Variants in GPR155 observed in about 807,000 individuals in gnomAD.
The protein encoded by GPR155 is G protein-coupled receptor 155.
A neutral mutation model predicts 93.1 loss-of-function variants in GPR155; 65 were observed. That is an observed-to-expected ratio of 0.70 (90% CI 0.57 to 0.86). GPR155 has a LOEUF of 0.86. Among genes scored for constraint, GPR155 ranks in the 40% least tolerant of loss-of-function variants. The pLI is 0.00. For synonymous variants in GPR155, 319 were observed against 360.1 expected (o/e 0.89, Z 1.29); for missense variants, 838 against 1,034.8 (o/e 0.81, Z 2.61).
At chr2:174,485,386 C>T (rs1040034559) in intron 1 of GPR155, among the ~76,000 whole-genome samples, 56 of 152,244 alleles carry the variant, frequency 3.7e-4, no homozygotes, top group African/African-American at 1.3e-3. Flanking sequence ...CACCTGAGGT[C>T]GGGAGTTGGA....
chr2:174,466,483 C>T, intron 6 of GPR155, 61 bp downstream of exon 6: 2 of 921,510 alleles, frequency 2.2e-6, no homozygotes, highest in Non-Finnish European at 3.5e-6. Flanking sequence ...GTTATTTTCT[C>T]CTCTACAGTA....
intron 10 of GPR155, 100 bp from the exon 11 acceptor site, chr2:174,453,941 A>G: frequency 1.3e-6 from 1 of 770,406 alleles, no homozygotes; most frequent in Non-Finnish European, 2.3e-6. Context: ...CCACTCACAC[A>G]CACTTCCCAT....
chr2:174,449,450 C>T (rs1687253817), intron 11 of GPR155, among the ~76,000 whole-genome samples: 1 of 152,214 alleles, frequency 6.6e-6, no homozygotes, highest in African/African-American at 2.4e-5. Flanking sequence ...CAGCACTACT[C>T]ACAACAGCAA....
At position 174,470,552 on chromosome 2, in the gene GPR155, CAGACTGA is replaced by C; in HGVS notation, c.861-4_863del. ...TTTCTCTGCACAGAAGTGGCAGCACCAGACTGAAGAAAAAAGAAAAACATCATTTACC... is the reference window on the plus strand; with the variant it reads ...TTTCTCTGCACAGAAGTGGCAGCACCAGAAAAAAGAAAAACATCATTTACC... On this transcript the variant is annotated splice_acceptor_variant and splice_polypyrimidine_tract_variant and coding_sequence_variant and intron_variant, in exon 4 of 16. Coordinates refer to ENST00000392552, the MANE Select transcript of GPR155 (RefSeq NM_152529.7). LOFTEE classifies it high-confidence loss of function. 1 of 1,610,674 alleles carries C rather than the reference CAGACTGA, an allele frequency of 6.2e-7. No homozygotes were observed. Among genetic ancestry groups the C allele is most frequent in the Non-Finnish European group, 8.5e-7 (1 of 1,178,746 alleles).
intron 10 of GPR155, among the ~76,000 whole-genome samples, chr2:174,458,997 C>T (rs1028399814): frequency 4.3e-4 from 65 of 151,820 alleles, no homozygotes; most frequent in Non-Finnish European, 2.4e-4. Context: ...CTGAGACAGG[C>T]GAATTGCTTG....
chr2:174,468,845 C>T (rs1300944760), intron 5 of GPR155, 67 bp downstream of exon 5: 1 of 1,303,446 alleles, frequency 7.7e-7, no homozygotes, highest in Non-Finnish European at 1.1e-6. Context: ...TAAATCCCTT[C>T]TGTTAACAGT....
In GPR155 at chr2:174,459,967, T is replaced by C. The variant is rs1008810881; in HGVS notation, c.1682A>G (p.Lys561Arg). The C allele has an allele frequency of 9.9e-6, 16 of 1,614,008 alleles. No homozygotes were observed. Among genetic ancestry groups the C allele is most frequent in the Admixed American group, 6.7e-5 (4 of 59,996 alleles). Reference protein sequence around the residue: ...YEGFDQSQSHKVVEPGNTAFE... With the variant: ...YEGFDQSQSHRVVEPGNTAFE... The stretch of plus-strand genomic sequence containing the variant: ...AGCAGTATTTCCAGGCTCCACCACT[T>C]TGTGGCTCTGAGACTGATCGAAACC... The change falls in exon 10 of 16, where the codon AAA (lysine) becomes AGA (arginine). Residue 561 changes from lysine (K) to arginine (R), a missense_variant. By Grantham distance (26) the Lys-to-Arg change is conservative. This residue lies in a region of GPR155 where 663 missense variants were observed against 790.1 expected (regional missense o/e 0.84). Coordinates refer to ENST00000392552, the MANE Select transcript of GPR155 (RefSeq NM_152529.7).
rs1687632276 is a variant in GPR155 at position 174,459,898 on chromosome 2, G to A, written c.1751C>T (p.Thr584Ile). 4 of 1,610,728 alleles carry A rather than the reference G, an allele frequency of 2.5e-6. No individual in the cohort carries two copies. Among genetic ancestry groups the A allele is most frequent in the Non-Finnish European group, 3.4e-6 (4 of 1,176,990 alleles). The change falls in exon 10 of 16, where the codon ACA becomes ATA. Residue 584 changes from threonine to isoleucine, a missense_variant. Transcript: ENST00000392552. ...CATACTTGTTTCTGGAATAGAGCTT[G>A]TAAAAAGTTCTGGTTCATTTACTGG... ...PAPVNEPELF[T>I]SSIPETSCCS...
At chr2:174,460,409 G>T (rs1286851057) in intron 9 of GPR155, among the ~76,000 whole-genome samples, 6 of 151,708 alleles carry the variant, frequency 4.0e-5, no homozygotes. Flanking sequence ...TGACCCACCC[G>T]CCTCGGCCTC....
chr2:174,459,711 G>A (rs1441402309), intron 10 of GPR155, among the ~76,000 whole-genome samples, 167 bp downstream of exon 10: 4 of 152,200 alleles, frequency 2.6e-5, no homozygotes, highest in Non-Finnish European at 5.9e-5. Flanking sequence ...AGGGCATGGT[G>A]GCAGGCACCT....
intron 14 of GPR155, among the ~76,000 whole-genome samples, chr2:174,440,760 C>T (rs188899626): frequency 9.2e-5 from 14 of 152,240 alleles, no homozygotes; most frequent in South Asian, 2.1e-4. Context: ...AGATTTGTCC[C>T]GACCTCTTCC....
At chr2:174,485,756 T>C (rs1440086007) in intron 1 of GPR155, among the ~76,000 whole-genome samples, 1 of 152,110 alleles carries the variant, frequency 6.6e-6, no homozygotes, top group Non-Finnish European at 1.5e-5. Flanking sequence ...GGGAAGATAA[T>C]ATGCTTTCTA....
intron 3 of GPR155, among the ~76,000 whole-genome samples, chr2:174,472,754 C>T (rs1405596681): frequency 6.6e-6 from 1 of 152,106 alleles, no homozygotes; most frequent in East Asian, 1.9e-4. Flanking sequence ...CATCTTTATC[C>T]TCTGACAGTA....
intron 4 of GPR155, among the ~76,000 whole-genome samples, chr2:174,469,299 C>T (rs546528684): frequency 7.4e-4 from 113 of 152,118 alleles, no homozygotes; most frequent in African/African-American, 2.4e-3. Context: ...TTTATATTTA[C>T]GCATAATAAA....
intron 11 of GPR155, 69 bp downstream of exon 11, chr2:174,453,668 G>GAAAA (rs10687822): frequency 3.9e-6 from 2 of 513,552 alleles, no homozygotes; most frequent in African/African-American, 2.3e-5. Context: ...TCAAAAAAAA[G>GAAAA]AAAAAAAAAA....
chr2:174,447,979 AATT>A (rs1358436960), intron 11 of GPR155, among the ~76,000 whole-genome samples: 1 of 152,008 alleles, frequency 6.6e-6, no homozygotes, highest in East Asian at 1.9e-4. Flanking sequence ...CTGTGAAACA[AATT>A]ATTATTATCT....
In GPR155 at chr2:174,436,007, C is replaced by A; in HGVS notation, c.*109G>T. The stretch of plus-strand genomic sequence containing the variant: ...TTTTCACATTTTACAGAAGAGACAA[C>A]TGAGGCTCAGAGAGGTTGCCTCTGT... On this transcript the variant is annotated 3_prime_UTR_variant, in exon 16 of 16. Coordinates refer to ENST00000392552, the MANE Select transcript of GPR155 (RefSeq NM_152529.7). The A allele has an allele frequency of 1.3e-6, 1 of 790,590 alleles. No homozygotes were observed. The allele number at this position is 790,590 out of a possible 1,614,324, so 49.0% of individuals were successfully genotyped here.
chr2:174,472,767 A>G, intron 3 of GPR155, among the ~76,000 whole-genome samples, 198 bp downstream of exon 3: 1 of 152,204 alleles, frequency 6.6e-6, no homozygotes, highest in East Asian at 1.9e-4. Context: ...TGACAGTAAG[A>G]TGGAAAGAAT....
Position 174,468,901 on chromosome 2 carries a change from A to G in GPR155, c.1182+11T>C. 1 of 1,609,674 alleles carries G rather than the reference A, an allele frequency of 6.2e-7. No individual in the cohort carries two copies. Among genetic ancestry groups the G allele is most frequent in the Non-Finnish European group, 8.5e-7 (1 of 1,176,348 alleles). ...GTGGTTTCCATTCATTTTGGGATGC[A>G]ACGTACTTACCAAGGAGATCAGGCT... On this transcript the variant is annotated intron_variant, in intron 5 of 15. Transcript: ENST00000392552.
Sources: gnomAD v4.1 joint callset for allele counts (sites outside exome capture counted in the v4.1 genomes callset) on GRCh38, gnomAD v4.1.1 for gene constraint, gnomAD v4.1.1 regional missense constraint, MANE v1.5 for transcripts, NCBI Gene and HGNC (gene_info 2026-07-23, HGNC 2026-07-21) for gene names.